Variants in ECI1 observed in about 807,000 individuals in gnomAD.
ECI1 encodes enoyl-CoA delta isomerase 1, mitochondrial.
Under a neutral mutation model 34.2 loss-of-function variants are expected in ECI1, and 34 were observed. The observed-to-expected ratio is 1.00, with a 90% CI of 0.76 to 1.33. The LOEUF is 1.33. ECI1 is among the 40% of genes most tolerant of loss of function. ECI1 has a pLI of 0.00. For missense variants in ECI1, 456 were observed against 422.2 expected (o/e 1.08, Z -0.70); for synonymous variants, 211 against 193.0 (o/e 1.09, Z -0.77).
chr16:2,240,219 T>A, intron 6 of ECI1, 74 bp from the exon 7 acceptor site: 4 of 1,516,586 alleles, frequency 2.6e-6, no homozygotes, highest in Non-Finnish European at 2.7e-6. Context: ...TATTTTTTAT[T>A]TTTATTTTTT....
chr16:2,248,257 C>T (rs2093545103), intron 2 of ECI1, among the ~76,000 whole-genome samples: 1 of 151,426 alleles, frequency 6.6e-6, no homozygotes, highest in Non-Finnish European at 1.5e-5. Context: ...CCACTATGCC[C>T]AGCTAATTTT....
intron 3 of ECI1, among the ~76,000 whole-genome samples, chr16:2,246,029 G>A (rs1317650171): frequency 1.3e-5 from 2 of 152,112 alleles, no homozygotes; most frequent in Non-Finnish European, 2.9e-5. Flanking sequence ...ATCACTTGAG[G>A]TCAGGAGTTC....
chr16:2,242,967 T>C (rs1449667253), intron 6 of ECI1, 79 bp downstream of exon 6: 5 of 1,127,124 alleles, frequency 4.4e-6, no homozygotes, highest in South Asian at 3.7e-5. Flanking sequence ...GAAGTCACGA[T>C]GTCCACAGAA....
intron 2 of ECI1, among the ~76,000 whole-genome samples, chr16:2,250,452 G>C (rs2093550746): frequency 6.6e-6 from 1 of 152,046 alleles, no homozygotes. Context: ...GGGGGGTTGG[G>C]GAGGGCAGGG....
At chr16:2,244,251 G>A (rs751591855) in intron 4 of ECI1, 155 bp downstream of exon 4, 160 of 896,688 alleles carry the variant, frequency 1.8e-4, no homozygotes, top group Non-Finnish European at 2.6e-4. Flanking sequence ...AACACGCCCC[G>A]TGGTCTGCGA....
chr16:2,239,701 G>A lies in ECI1; in HGVS notation c.*278C>T, dbSNP rs542670084. On this transcript the variant is annotated 3_prime_UTR_variant, in exon 7 of 7. Coordinates refer to ENST00000301729, the MANE Select transcript of ECI1 (RefSeq NM_001919.4). ...TCTGCCTTGGGAACAGAGACACTCC[G>A]TGGCAACCTCACCAGGTCCAGAATG... The A allele has an allele frequency of 2.3e-5, 11 of 479,266 alleles. No homozygotes were observed. The highest frequency in any genetic ancestry group is 4.1e-5 in the East Asian group (1 of 24,316). The allele number at this position is 479,266 out of a possible 1,614,324, so 29.7% of individuals were successfully genotyped here.
chr16:2,248,005 T>C (rs1596788094), intron 2 of ECI1, among the ~76,000 whole-genome samples: 1 of 152,138 alleles, frequency 6.6e-6, no homozygotes, highest in African/African-American at 2.4e-5. Context: ...CTTGGTTTTT[T>C]ACATTGAAGT....
At chr16:2,247,080 A>C in intron 2 of ECI1, 94 bp from the exon 3 acceptor site, 1 of 1,430,402 alleles carries the variant, frequency 7.0e-7, no homozygotes, top group Non-Finnish European at 9.6e-7. Flanking sequence ...ATAGCTGTGC[A>C]TTTTGGGGGT....
chr16:2,244,803 C>T (rs1291492987), intron 3 of ECI1, among the ~76,000 whole-genome samples: 1 of 152,224 alleles, frequency 6.6e-6, no homozygotes, highest in African/African-American at 2.4e-5. Context: ...AGAGGACAGG[C>T]AGCGCCAGGC....
At chr16:2,249,551 C>T (rs551336266) in intron 2 of ECI1, among the ~76,000 whole-genome samples, 12 of 151,992 alleles carry the variant, frequency 7.9e-5, no homozygotes, top group South Asian at 2.1e-4. Context: ...TTTTTTTACT[C>T]GAGTGCCTCC....
At chr16:2,242,813 T>A (rs1473154857) in intron 6 of ECI1, 1 of 584,130 alleles carries the variant, frequency 1.7e-6, no homozygotes, top group Non-Finnish European at 3.1e-6. Flanking sequence ...AGGGAGGAAG[T>A]GCAGTCCTGC....
intron 4 of ECI1, chr16:2,244,138 A>G: frequency 1.8e-6 from 1 of 543,472 alleles, no homozygotes; most frequent in South Asian, 2.0e-5. Flanking sequence ...GCCTCCACCC[A>G]GGCTGGCATC....
chr16:2,247,993 C>G (rs1181055183), intron 2 of ECI1, among the ~76,000 whole-genome samples: 2 of 152,024 alleles, frequency 1.3e-5, no homozygotes, highest in Non-Finnish European at 2.9e-5. Flanking sequence ...CAGGAGTGAG[C>G]CCTTGGTTTT....
intron 2 of ECI1, among the ~76,000 whole-genome samples, chr16:2,247,689 C>A (rs1039336770): frequency 6.6e-6 from 1 of 152,030 alleles, no homozygotes; most frequent in Admixed American, 6.6e-5. Flanking sequence ...TAAGCCACAG[C>A]GCCCGGCCTG....
intron 2 of ECI1, among the ~76,000 whole-genome samples, chr16:2,250,823 A>C (rs1021402944): frequency 6.6e-6 from 1 of 151,810 alleles, no homozygotes; most frequent in African/African-American, 2.4e-5. Flanking sequence ...CTTTATTTTT[A>C]TTTATTTATT....
chr16:2,251,188 G>A (rs2093552467), intron 2 of ECI1, 128 bp downstream of exon 2: 1 of 310,614 alleles, frequency 3.2e-6, no homozygotes, highest in East Asian at 9.9e-5. Flanking sequence ...GCAAGGTTCT[G>A]TTTCGAAACT....
chr16:2,250,158 C>G (rs2093549792), intron 2 of ECI1, among the ~76,000 whole-genome samples: 1 of 143,804 alleles, frequency 7.0e-6, no homozygotes, highest in Non-Finnish European at 1.5e-5. Flanking sequence ...ATTTGGGAGG[C>G]TGAGGAGGGA....
intron 6 of ECI1, 26 bp from the exon 7 acceptor site, chr16:2,240,171 A>G: frequency 6.2e-7 from 1 of 1,611,902 alleles, no homozygotes; most frequent in Middle Eastern, 1.7e-4. Flanking sequence ...CGTGCCACTG[A>G]AATCCCACTT....
In ECI1 at chr16:2,244,467, G is replaced by C. The variant is rs2093535510; in HGVS notation, c.380C>G (p.Ala127Gly). 1 of 1,611,944 alleles carries C rather than the reference G, an allele frequency of 6.2e-7. No individual in the cohort carries two copies. The highest frequency in any genetic ancestry group is 8.5e-7 in the Non-Finnish European group (1 of 1,179,522). The change falls in exon 4 of 7, where the codon GCC (alanine) becomes GGC (glycine). Residue 127 changes from alanine to glycine, a missense_variant. By Grantham distance (60) the Ala-to-Gly change is moderately conservative. Coordinates refer to ENST00000301729, the MANE Select transcript of ECI1 (RefSeq NM_001919.4). ...SPAHYAGYWK[A>G]VQELWLRLYQ... ...CAACCGCAGCCACAGCTCCTGAACG[G>C]CCTTCCAGTACCCAGCGTAGTGGGC...
Sources: gnomAD v4.1 joint callset for allele counts (sites outside exome capture counted in the v4.1 genomes callset) on GRCh38, gnomAD v4.1.1 for gene constraint, MANE v1.5 for transcripts, NCBI Gene and HGNC (gene_info 2026-07-23, HGNC 2026-07-21) for gene names.